The following OPCML variants were observed in gnomAD, a reference collection of about 807,000 sequenced individuals.
The protein encoded by OPCML is opioid binding protein/cell adhesion molecule like.
OPCML carries 13 observed loss-of-function variants against 37.8 expected under a neutral mutation model. That is an observed-to-expected ratio of 0.34 (90% CI 0.22 to 0.55). The LOEUF (loss-of-function observed/expected upper bound fraction) is 0.55. Ranked by LOEUF, OPCML falls within the 20% of genes least tolerant of loss-of-function variation. OPCML has a pLI of 0.91. For missense variants in OPCML, 341 were observed against 435.6 expected, an observed-to-expected ratio of 0.78 and a Z score of 1.93; for synonymous variants, 176 against 168.8, an observed-to-expected ratio of 1.04 and a Z score of -0.33.
chr11:133,235,282 C>T (rs1279311798), intron 1 of OPCML, among the ~76,000 whole-genome samples: 3 of 152,132 alleles, frequency 2.0e-5, no homozygotes, highest in African/African-American at 7.2e-5. Context: ...AAGAGACCAA[C>T]GTGGGCCAGT....
chr11:133,424,678 T>C (rs1449926378), intron 1 of OPCML, among the ~76,000 whole-genome samples: 2 of 152,240 alleles, frequency 1.3e-5, no homozygotes, highest in African/African-American at 4.8e-5. Context: ...AACATCTATG[T>C]TCATCTTTTG....
At chr11:133,000,964 C>T (rs1181753724) in intron 1 of OPCML, among the ~76,000 whole-genome samples, 1 of 152,150 alleles carries the variant, frequency 6.6e-6, no homozygotes, top group Non-Finnish European at 1.5e-5. Flanking sequence ...TTTCTTGCTC[C>T]CTCTCTCGCC....
chr11:133,156,179 T>A (rs1475144000), intron 1 of OPCML, among the ~76,000 whole-genome samples: 1 of 152,132 alleles, frequency 6.6e-6, no homozygotes, highest in African/African-American at 2.4e-5. Flanking sequence ...TAAACAGAGC[T>A]CCCATTTTTA....
chr11:133,173,928 G>A lies in OPCML; in HGVS notation c.62-230918C>T, dbSNP rs577857891. ...ACCGGGGCCGGCCGGCACTGGAGCA[G>A]CCCTCTCCCTCCATCCATTCTACAA... On this transcript the variant is annotated intron_variant, in intron 1 of 7. Coordinates refer to ENST00000524381, the MANE Select transcript of OPCML (RefSeq NM_001012393.5). The surrounding 1 kb of genome is among the most constrained non-coding windows in gnomAD (Gnocchi z 7.8). 4.6e-5 allele frequency among the ~76,000 whole-genome samples: 7 copies of A among 152,316 alleles called. No homozygotes were observed. Among genetic ancestry groups the A allele is most frequent in the South Asian group, 4.1e-4 (2 of 4,820 alleles).
chr11:132,846,476 T>A (rs1941546859), intron 2 of OPCML, among the ~76,000 whole-genome samples: 1 of 152,150 alleles, frequency 6.6e-6, no homozygotes, highest in African/African-American at 2.4e-5. Flanking sequence ...TGCTTCCTAA[T>A]GAAAATGAGA....
intron 2 of OPCML, among the ~76,000 whole-genome samples, chr11:132,878,225 T>C (rs558937822): frequency 1.3e-5 from 2 of 152,276 alleles, no homozygotes; most frequent in South Asian, 4.2e-4. Context: ...TCTCTGATGA[T>C]GGCTGCTGTA....
At chr11:132,887,422 A>C (rs1001764340) in intron 2 of OPCML, among the ~76,000 whole-genome samples, 2 of 152,220 alleles carry the variant, frequency 1.3e-5, no homozygotes, top group African/African-American at 4.8e-5. Context: ...TGTTCTGAAA[A>C]GGAGGAACAA....
intron 2 of OPCML, among the ~76,000 whole-genome samples, chr11:132,900,731 G>A (rs2725451): frequency 0.66 from 99,475 of 151,824 alleles, 33,633 homozygotes; most frequent in African/African-American, 0.79. Flanking sequence ...ACCCTCCCTA[G>A]CCAAACTAAC....
chr11:133,074,693 T>A (rs920258232), intron 1 of OPCML, among the ~76,000 whole-genome samples: 2 of 152,174 alleles, frequency 1.3e-5, no homozygotes, highest in African/African-American at 4.8e-5. Context: ...AGCAGGATAT[T>A]CTGCTTGTTA....
intron 2 of OPCML, among the ~76,000 whole-genome samples, chr11:132,743,418 G>A (rs1161659871): frequency 1.3e-5 from 2 of 152,048 alleles, no homozygotes; most frequent in Non-Finnish European, 2.9e-5. Flanking sequence ...ACCTCCCTCA[G>A]AAACCCTCCA....
rs920121107 is a variant in OPCML, at chr11:133,008,036, A to T, written c.62-65026T>A. On this transcript the variant is annotated intron_variant, in intron 1 of 7. Coordinates refer to ENST00000524381, the MANE Select transcript of OPCML (RefSeq NM_001012393.5). ...GGTGCTGTGTCAAGAGAGCTGTCTC[A>T]TTGTTGAGATCTTGCTGTACGGCTA... 4.9e-5 allele frequency: 48 copies of T among 985,300 alleles called. 1 individual carries two copies. The East Asian group carries it at 2.0e-3, about 42-fold the overall frequency. 61.0% of individuals were successfully genotyped at this position (985,300 alleles called of 1,614,324 possible).
chr11:133,144,674 A>G (rs1345425451), intron 1 of OPCML, among the ~76,000 whole-genome samples: 1 of 152,250 alleles, frequency 6.6e-6, no homozygotes, highest in Non-Finnish European at 1.5e-5. Flanking sequence ...CTATACTTGT[A>G]TATCCATCCT....
chr11:133,113,698 A>G (rs1446920406), intron 1 of OPCML, among the ~76,000 whole-genome samples: 1 of 152,246 alleles, frequency 6.6e-6, no homozygotes, highest in Non-Finnish European at 1.5e-5. Flanking sequence ...ACTAAGGGCC[A>G]AAGAGTAAAC....
At chr11:132,689,550 CA>C (rs1363246901) in intron 2 of OPCML, among the ~76,000 whole-genome samples, 1 of 152,166 alleles carries the variant, frequency 6.6e-6, no homozygotes, top group Non-Finnish European at 1.5e-5. Context: ...CTTAGAAAAA[CA>C]TTTGTTTAGC....
intron 3 of OPCML, among the ~76,000 whole-genome samples, chr11:132,636,982 G>A (rs1441378338): frequency 1.3e-5 from 2 of 152,102 alleles, no homozygotes; most frequent in Non-Finnish European, 2.9e-5. Context: ...CTTTGTTGGC[G>A]AGACTGTTTG....
rs535170472 is a variant in OPCML, at chr11:133,004,348, T to C, written c.62-61338A>G. 7.6e-5 allele frequency: 75 copies of C among 985,416 alleles called. No individual in the cohort carries two copies. The South Asian group carries it at 1.1e-3, about 14-fold the overall frequency. The allele number at this position is 985,416 out of a possible 1,614,324, so 61.0% of individuals were successfully genotyped here. A position where few individuals can be genotyped will look rare whatever the true frequency, so the allele number is the denominator to read the frequency against. ...TTGTGGGTCCTTTGGATTCCTGTAGTGTTGATGTTTTATTAATGGTTCTGC... is the reference window on the plus strand; with the variant it reads ...TTGTGGGTCCTTTGGATTCCTGTAGCGTTGATGTTTTATTAATGGTTCTGC... On this transcript the variant is annotated intron_variant, in intron 1 of 7. Coordinates refer to ENST00000524381, the MANE Select transcript of OPCML (RefSeq NM_001012393.5).
chr11:132,971,231 T>C (rs1476281047), intron 1 of OPCML, among the ~76,000 whole-genome samples: 1 of 152,220 alleles, frequency 6.6e-6, no homozygotes, highest in East Asian at 1.9e-4. Context: ...TATTATTTTG[T>C]TCTTTATAAT....
chr11:133,113,769 TGA>T (rs1949291951), intron 1 of OPCML, among the ~76,000 whole-genome samples: 1 of 152,308 alleles, frequency 6.6e-6, no homozygotes, highest in South Asian at 2.1e-4. Context: ...AAAGTATTTA[TGA>T]CTCTTTCCCC....
chr11:133,477,510 T>C (rs938512405), intron 1 of OPCML, among the ~76,000 whole-genome samples: 1 of 152,170 alleles, frequency 6.6e-6, no homozygotes, highest in South Asian at 2.1e-4. Context: ...TTGAATCCCA[T>C]TCATTTTCAA....
Sources: allele counts gnomAD v4.1 joint callset (sites outside exome capture counted in the v4.1 genomes callset), GRCh38; gene constraint gnomAD v4.1.1; non-coding constraint Gnocchi (gnomAD v3.1); transcripts MANE v1.5; gene names NCBI Gene and HGNC (gene_info 2026-07-23, HGNC 2026-07-21).